ZFHX3: variants seen among roughly 807,000 people sequenced by gnomAD.
ZFHX3 encodes zinc finger homeobox protein 3.
Under a neutral mutation model 279.1 loss-of-function variants are expected in ZFHX3, and 42 were observed. That is an observed-to-expected ratio of 0.15 (90% CI 0.12 to 0.19). The LOEUF is 0.19. ZFHX3 is among the 10% of genes least tolerant of loss of function. The probability of loss-of-function intolerance (pLI) is 1.00; values close to 1 mark genes in which losing one functional copy is unlikely to be tolerated. For missense variants in ZFHX3, 4,981 were observed against 4,754.0 expected (o/e 1.05, Z -1.40); for synonymous variants, 2,293 against 1,957.8 (o/e 1.17, Z -4.52).
chr16:72,960,929 C>T (rs1961547068), intron 1 of ZFHX3, among the ~76,000 whole-genome samples: 1 of 152,060 alleles, frequency 6.6e-6, no homozygotes, highest in Admixed American at 6.5e-5. Context: ...TGGCTCAGTG[C>T]TAATCTCACC....
At chr16:73,064,459 C>T (rs967741661), upstream of ZFHX3, among the ~76,000 whole-genome samples, 1 of 151,932 alleles carries the variant, frequency 6.6e-6, no homozygotes, top group Non-Finnish European at 1.5e-5. Flanking sequence ...AAATTGGCCG[C>T]TCAAATCTAG....
intron 5 of ZFHX3, among the ~76,000 whole-genome samples, chr16:73,154,764 C>G (rs773940447): frequency 6.6e-6 from 1 of 151,888 alleles, no homozygotes; most frequent in Non-Finnish European, 1.5e-5. Context: ...CTTCATACTA[C>G]TAAAGATGGG....
intron 3 of ZFHX3, among the ~76,000 whole-genome samples, chr16:73,406,171 G>A (rs945711427): frequency 7.9e-5 from 12 of 152,208 alleles, no homozygotes; most frequent in Admixed American, 2.0e-4. Flanking sequence ...TAATTCCTCC[G>A]TTTCACAGTC....
intron 9 of ZFHX3, chr16:72,790,474 A>G (rs1281170808): frequency 6.6e-6 from 1 of 152,230 alleles, no homozygotes; most frequent in Non-Finnish European, 1.5e-5. Flanking sequence ...TCTGAAGCCC[A>G]GACTTGGGGG....
At chr16:72,836,303 T>C (rs1441458872) in intron 4 of ZFHX3, among the ~76,000 whole-genome samples, 1 of 152,072 alleles carries the variant, frequency 6.6e-6, no homozygotes, top group Admixed American at 6.6e-5. Context: ...ATATCCTACC[T>C]GTACCGTGAC....
rs56734827 is a variant in ZFHX3 at position 73,784,796 on chromosome 16, A to AAAT, written c.-1607-104557_-1607-104556insATT. Among the ~76,000 whole-genome samples, 488 of 131,042 alleles carry AAAT rather than the reference A, an allele frequency of 3.7e-3. 3 individuals carry two copies. The highest frequency in any genetic ancestry group is 0.014 in the African/African-American group (468 of 34,648). 86.0% of individuals were successfully genotyped at this position (131,042 alleles called of 152,430 possible). Reference sequence around the variant, plus strand: ...CTATTTTTAACAAAATAAAAAAAAAAATATATATATATATATATATACACA... The same window carrying AAAT: ...CTATTTTTAACAAAATAAAAAAAAAAAATATATATATATATATATATATACACA... On this transcript the variant is annotated intron_variant, in intron 1 of 17. Transcript: ENST00000641206.
intron 1 of ZFHX3, among the ~76,000 whole-genome samples, chr16:73,781,119 A>T (rs1959455279): frequency 6.6e-6 from 1 of 152,204 alleles, no homozygotes; most frequent in Non-Finnish European, 1.5e-5. Context: ...CTCTCAAGGA[A>T]GTCGGAGTGT....
At chr16:73,854,395 G>A (rs1726373326) in intron 1 of ZFHX3, among the ~76,000 whole-genome samples, 1 of 151,938 alleles carries the variant, frequency 6.6e-6, no homozygotes, top group South Asian at 2.1e-4. Context: ...GGCGTGGTAG[G>A]AGGCACCTGT....
chr16:73,358,395 G>A (rs1223330563), intron 3 of ZFHX3, among the ~76,000 whole-genome samples: 6 of 152,244 alleles, frequency 3.9e-5, no homozygotes, highest in African/African-American at 7.2e-5. Flanking sequence ...GGCTACTGGC[G>A]GGAAACCGAG....
intron 1 of ZFHX3, among the ~76,000 whole-genome samples, chr16:73,707,812 G>GA (rs560901525): frequency 2.0e-5 from 3 of 151,422 alleles, no homozygotes; most frequent in Non-Finnish European, 1.5e-5. Context: ...ACATGGGCAA[G>GA]AAAAAAAAGT....
At chr16:72,837,013 G>T (rs1597293084) in intron 4 of ZFHX3, among the ~76,000 whole-genome samples, 1 of 152,122 alleles carries the variant, frequency 6.6e-6, no homozygotes, top group African/African-American at 2.4e-5. Context: ...AGACATTCAT[G>T]CCCATTTGCT....
intron 1 of ZFHX3, among the ~76,000 whole-genome samples, chr16:73,806,228 T>C (rs1321793348): frequency 6.6e-6 from 1 of 152,088 alleles, no homozygotes; most frequent in Non-Finnish European, 1.5e-5. Context: ...CAATTCAAGG[T>C]GAGATTTGGG....
intron 2 of ZFHX3, among the ~76,000 whole-genome samples, chr16:72,953,956 T>C (rs1460838205): frequency 6.6e-6 from 1 of 152,140 alleles, no homozygotes; most frequent in Non-Finnish European, 1.5e-5. Flanking sequence ...AAAACTCCCT[T>C]CGAGAACTAT....
At chr16:73,373,816 T>C (rs904121258) in intron 3 of ZFHX3, among the ~76,000 whole-genome samples, 1 of 152,222 alleles carries the variant, frequency 6.6e-6, no homozygotes, top group Non-Finnish European at 1.5e-5. Context: ...TACAAGAAAG[T>C]GTAGCTGGAA....
intron 3 of ZFHX3, among the ~76,000 whole-genome samples, chr16:73,319,968 C>T (rs374012514): frequency 6.6e-6 from 1 of 152,094 alleles, no homozygotes; most frequent in Non-Finnish European, 1.5e-5. Context: ...AGAGTGAACT[C>T]GGTTGCATTA....
At chr16:73,459,549 G>A (rs963569790) in intron 2 of ZFHX3, among the ~76,000 whole-genome samples, 6 of 152,054 alleles carry the variant, frequency 3.9e-5, no homozygotes, top group African/African-American at 1.4e-4. Flanking sequence ...TTTTTTTTAA[G>A]TAGAGATGGG....
intron 5 of ZFHX3, among the ~76,000 whole-genome samples, chr16:73,162,286 C>T (rs2144857410): frequency 6.6e-6 from 1 of 152,290 alleles, no homozygotes; most frequent in Admixed American, 6.5e-5. Flanking sequence ...AGCACAAACC[C>T]TACTGTGAAC....
At chr16:73,719,645 A>T (rs1006118393) in intron 1 of ZFHX3, among the ~76,000 whole-genome samples, 1 of 151,896 alleles carries the variant, frequency 6.6e-6, no homozygotes, top group African/African-American at 2.4e-5. Context: ...TTATTTTTTT[A>T]TTTTTTTATT....
intron 3 of ZFHX3, among the ~76,000 whole-genome samples, chr16:73,410,607 TA>T (rs1310968422): frequency 6.6e-6 from 1 of 152,206 alleles, no homozygotes; most frequent in Admixed American, 6.5e-5. Context: ...TATCCACAAT[TA>T]AGAAAAAAGT....
Sources: gnomAD v4.1 joint callset for allele counts (sites outside exome capture counted in the v4.1 genomes callset) on GRCh38, gnomAD v4.1.1 for gene constraint, MANE v1.5 for transcripts, NCBI Gene and HGNC (gene_info 2026-07-23, HGNC 2026-07-21) for gene names.